ITGAX: variants seen among roughly 807,000 people sequenced by gnomAD.
ITGAX encodes the protein integrin alpha-X.
Under a neutral mutation model 140.2 loss-of-function variants are expected in ITGAX, and 99 were observed. That is an observed-to-expected ratio of 0.71 (90% CI 0.60 to 0.83). The LOEUF (loss-of-function observed/expected upper bound fraction) is 0.83. Ranked by LOEUF, ITGAX falls within the 40% of genes least tolerant of loss-of-function variation. The pLI is 0.00. For synonymous variants in ITGAX, 631 were observed against 600.4 expected (o/e 1.05, Z -0.75); for missense variants, 1,444 against 1,482.0 (o/e 0.97, Z 0.42).
intron 14 of ITGAX, among the ~76,000 whole-genome samples, chr16:31,369,197 C>T (rs1219290882): frequency 6.6e-6 from 1 of 151,608 alleles, no homozygotes; most frequent in Non-Finnish European, 1.5e-5. Context: ...GGCAGAGGTG[C>T]CCCTCACCTC....
At chr16:31,359,624 G>A (rs1286928498) in intron 5 of ITGAX, 76 bp from the exon 6 acceptor site, 1 of 1,545,356 alleles carries the variant, frequency 6.5e-7, no homozygotes, top group Non-Finnish European at 8.8e-7. Flanking sequence ...GGGAGAGTGA[G>A]CTCTTGTGGC....
rs181390095 is a variant in ITGAX at position 31,376,462 on chromosome 16, A to T, written c.2509-337A>T. On this transcript the variant is annotated intron_variant, in intron 20 of 29. Transcript: ENST00000268296. ...ATAGCGAGGTCCCATTTATAAAAAA[A>T]TTTTTTTAAAATTAGCCAGGCATGG... 5.3e-4 allele frequency among the ~76,000 whole-genome samples: 81 copies of T among 152,154 alleles called. No homozygotes were observed. In the South Asian group the frequency reaches 6.0e-3, roughly 11 times the overall value.
chr16:31,371,053 A>G, intron 14 of ITGAX, 31 bp from the exon 15 acceptor site: 28 of 1,612,858 alleles, frequency 1.7e-5, no homozygotes, highest in Non-Finnish European at 2.1e-5. Context: ...CCTACTTTCC[A>G]TCTTGATTCA....
intron 14 of ITGAX, among the ~76,000 whole-genome samples, chr16:31,364,343 C>T (rs925032231): frequency 1.3e-5 from 2 of 149,864 alleles, no homozygotes; most frequent in South Asian, 4.2e-4. Flanking sequence ...TGGGAGGTCA[C>T]CTGAGCCCAG....
At position 31,363,195 on chromosome 16, in the gene ITGAX, T is replaced by A; in HGVS notation, c.1531T>A (p.Tyr511Asn). 1 of 1,612,196 alleles carries A rather than the reference T, an allele frequency of 6.2e-7. No individual in the cohort carries two copies. The highest frequency in any genetic ancestry group is 8.5e-7 in the Non-Finnish European group (1 of 1,179,148). The change falls in exon 14 of 30, where the codon TAC becomes AAC. Residue 511 changes from tyrosine (Y) to asparagine (N), a missense_variant. Physicochemically the swap from Tyr to Asn is moderately radical, Grantham distance 143. Transcript: ENST00000268296. ...WRRWWCDAVL[Y>N]GEQGHPWGRF... The stretch of plus-strand genomic sequence containing the variant: ...AAGGTGGTGGTGTGATGCTGTTCTC[T>A]ACGGGGAGCAGGGCCACCCCTGGGG...
At chr16:31,380,801 G>T (rs2081062341) in intron 28 of ITGAX, 96 bp from the exon 29 acceptor site, 2 of 1,290,186 alleles carry the variant, frequency 1.6e-6, no homozygotes, top group African/African-American at 2.9e-5. Context: ...GCAGGGCCTG[G>T]GGAAGGAGGG....
rs150562711 is a variant in ITGAX, at chr16:31,362,665, C to T, written c.1271C>T (p.Ala424Val). Residue 424 changes from alanine to valine, a missense_variant, in exon 12 of 30, where the codon GCC becomes GTC. Coordinates refer to ENST00000268296, the MANE Select transcript of ITGAX (RefSeq NM_000887.5). ...GGGGTGCAGAGCCTGGTCCTGGGGG[C>T]CCCCCGCTACCAGCACACCGGGAAG... ...WKGVQSLVLG[A>V]PRYQHTGKAV... 4.3e-6 allele frequency: 7 copies of T among 1,613,440 alleles called. No homozygotes were observed. The highest frequency in any genetic ancestry group is 5.9e-6 in the Non-Finnish European group (7 of 1,179,730).
chr16:31,369,198 C>T (rs2080926578), intron 14 of ITGAX, among the ~76,000 whole-genome samples: 1 of 151,680 alleles, frequency 6.6e-6, no homozygotes, highest in African/African-American at 2.4e-5. Context: ...GCAGAGGTGC[C>T]CCTCACCTCC....
At chr16:31,370,812 C>T (rs995452487) in intron 14 of ITGAX, among the ~76,000 whole-genome samples, 4 of 152,238 alleles carry the variant, frequency 2.6e-5, no homozygotes, top group South Asian at 2.1e-4. Flanking sequence ...GTGGCTCATA[C>T]GTGGAGGAGT....
chr16:31,370,528 C>T (rs1015530495), intron 14 of ITGAX, among the ~76,000 whole-genome samples: 2 of 152,156 alleles, frequency 1.3e-5, no homozygotes, highest in African/African-American at 4.8e-5. Flanking sequence ...GGTCTGCAGT[C>T]AGCCTCTTAA....
intron 14 of ITGAX, among the ~76,000 whole-genome samples, chr16:31,370,719 GC>G (rs2080946860): frequency 6.6e-6 from 1 of 152,162 alleles, no homozygotes; most frequent in South Asian, 2.1e-4. Flanking sequence ...CCTGAGCATG[GC>G]TAAACTCTGA....
intron 14 of ITGAX, chr16:31,369,856 G>C (rs1479720464): frequency 6.6e-6 from 1 of 151,756 alleles, no homozygotes; most frequent in African/African-American, 2.4e-5. Flanking sequence ...CGCAATCATA[G>C]CTGACTGCAG....
At position 31,359,714 on chromosome 16, in the gene ITGAX, G is replaced by A; in HGVS notation, c.445G>A (p.Glu149Lys). 6.2e-7 allele frequency: 1 copy of A among 1,614,152 alleles called. No individual in the cohort carries two copies. The highest frequency in any genetic ancestry group is 8.5e-7 in the Non-Finnish European group (1 of 1,180,018). ...PVSRQECPRQ[E>K]QDIVFLIDGS... ...TCCTTCCCCAGAGTGCCCAAGACAG[G>A]AGCAGGACATTGTGTTCCTGATCGA... Residue 149 changes from glutamate to lysine, a missense_variant, in exon 6 of 30, where the codon GAG becomes AAG. Transcript: ENST00000268296.
chr16:31,377,544 G>A (rs937962623), intron 23 of ITGAX, among the ~76,000 whole-genome samples: 4 of 152,282 alleles, frequency 2.6e-5, no homozygotes, highest in South Asian at 2.1e-4. Flanking sequence ...ATGAACCCTC[G>A]CCCTTGTGGG....
chr16:31,360,544 T>C (rs2080813070), intron 8 of ITGAX, 81 bp downstream of exon 8: 2 of 1,322,906 alleles, frequency 1.5e-6, no homozygotes, highest in Non-Finnish European at 2.1e-6. Flanking sequence ...TCTTTTCTCT[T>C]TGAGACAGGG....
In ITGAX at chr16:31,361,872, A is replaced by T. The variant is rs1322930491; in HGVS notation, c.1049A>T (p.Glu350Val). 1 of 1,613,966 alleles carries T rather than the reference A, an allele frequency of 6.2e-7. No individual in the cohort carries two copies. Among genetic ancestry groups the T allele is most frequent in the Admixed American group, 1.7e-5 (1 of 60,016 alleles). Residue 350 changes from glutamate to valine, a missense_variant, in exon 10 of 30, where the codon GAG (glutamate) becomes GTG (valine). Physicochemically the swap from Glu to Val is moderately radical, Grantham distance 121. Coordinates refer to ENST00000268296, the MANE Select transcript of ITGAX (RefSeq NM_000887.5). ...ETTSSSSFEL[E>V]MAQEGFSAVF... ...ACAAGCAGTAGCTCCTTCGAATTGGAGATGGCACAGGAGGGCTTCAGCGCT... is the reference window on the plus strand; with the variant it reads ...ACAAGCAGTAGCTCCTTCGAATTGGTGATGGCACAGGAGGGCTTCAGCGCT...
rs768744768 is a variant in ITGAX at position 31,373,278 on chromosome 16, T to C, written c.2396T>C (p.Leu799Pro). Residue 799 changes from leucine to proline, a missense_variant, in exon 20 of 30, where the codon CTG becomes CCG. Leu to Pro is a moderately conservative substitution (Grantham distance 98). Coordinates refer to ENST00000268296, the MANE Select transcript of ITGAX (RefSeq NM_000887.5). The part of the protein sequence containing the change: ...GLKSLLVGSN[L>P]ELNAEVMVWN... ...AAGTCCCTGCTGGTGGGGAGTAACCTGGAGCTGAACGCAGAAGTGATGGTG... is the reference window on the plus strand; with the variant it reads ...AAGTCCCTGCTGGTGGGGAGTAACCCGGAGCTGAACGCAGAAGTGATGGTG... 1 of 1,612,354 alleles carries C rather than the reference T, an allele frequency of 6.2e-7. No homozygotes were observed. The highest frequency in any genetic ancestry group is 8.5e-7 in the Non-Finnish European group (1 of 1,179,088).
At chr16:31,379,470 A>G in intron 23 of ITGAX, 98 bp from the exon 24 acceptor site, 7 of 1,198,238 alleles carry the variant, frequency 5.8e-6, no homozygotes, top group Non-Finnish European at 8.4e-6. Context: ...AGGACATTCC[A>G]AGGCCCCACC....
intron 14 of ITGAX, among the ~76,000 whole-genome samples, chr16:31,367,683 A>G (rs1219799551): frequency 1.3e-5 from 2 of 152,214 alleles, no homozygotes; most frequent in Non-Finnish European, 2.9e-5. Context: ...CTGATCACCC[A>G]AGAGCTCTGA....
Sources: allele counts gnomAD v4.1 joint callset (sites outside exome capture counted in the v4.1 genomes callset), GRCh38; gene constraint gnomAD v4.1.1; transcripts MANE v1.5; gene names NCBI Gene and HGNC (gene_info 2026-07-23, HGNC 2026-07-21).